Variants in UNC5D observed in about 807,000 individuals in gnomAD.
UNC5D encodes the protein netrin receptor UNC5D.
Under a neutral mutation model 105.4 loss-of-function variants are expected in UNC5D, and 39 were observed. That is an observed-to-expected ratio of 0.37 (90% CI 0.29 to 0.48). The LOEUF (loss-of-function observed/expected upper bound fraction) is 0.48, where lower values mean the gene tolerates loss of function less well. Ranked by LOEUF, UNC5D falls within the 20% of genes least tolerant of loss-of-function variation. UNC5D has a pLI of 0.98. For synonymous variants in UNC5D, 452 were observed against 450.4 expected (o/e 1.00, Z -0.04); for missense variants, 991 against 1,202.4 (o/e 0.82, Z 2.60).
intron 1 of UNC5D, among the ~76,000 whole-genome samples, chr8:35,512,758 A>T (rs768247650): frequency 6.6e-6 from 1 of 151,224 alleles, no homozygotes; most frequent in Non-Finnish European, 1.5e-5. Context: ...CTAAGGTATT[A>T]TAATATATAA....
At chr8:35,533,703 C>T (rs978978282) in intron 1 of UNC5D, among the ~76,000 whole-genome samples, 19 of 152,188 alleles carry the variant, frequency 1.2e-4, no homozygotes, top group African/African-American at 4.6e-4. Context: ...AGCGAGATTC[C>T]GTGGGCGTAG....
chr8:35,653,506 G>A (rs1456867241), intron 4 of UNC5D, among the ~76,000 whole-genome samples: 1 of 152,142 alleles, frequency 6.6e-6, no homozygotes, highest in African/African-American at 2.4e-5. Context: ...AATGCTGTTT[G>A]TGGATCACCA....
intron 1 of UNC5D, among the ~76,000 whole-genome samples, chr8:35,319,817 G>A (rs1240616292): frequency 6.7e-6 from 1 of 150,186 alleles, no homozygotes; most frequent in African/African-American, 2.4e-5. Context: ...AAAAAAAAAA[G>A]CAAGCTTTTA....
intron 8 of UNC5D, among the ~76,000 whole-genome samples, chr8:35,717,515 G>C (rs1828318695): frequency 6.6e-6 from 1 of 152,122 alleles, no homozygotes; most frequent in African/African-American, 2.4e-5. Context: ...GAAGTTCAAA[G>C]GGTCTTTGAA....
intron 4 of UNC5D, among the ~76,000 whole-genome samples, chr8:35,614,218 T>C (rs1348521569): frequency 6.6e-6 from 1 of 152,204 alleles, no homozygotes; most frequent in Non-Finnish European, 1.5e-5. Context: ...GTTTCAAATG[T>C]GCTCATTGGC....
chr8:35,463,824 T>C (rs1259127973), intron 1 of UNC5D, among the ~76,000 whole-genome samples: 1 of 151,576 alleles, frequency 6.6e-6, no homozygotes, highest in East Asian at 1.9e-4. Context: ...CAATTTTGTC[T>C]GTTTGGTTAT....
chr8:35,644,984 T>C (rs1251407810), intron 4 of UNC5D, among the ~76,000 whole-genome samples: 3 of 152,184 alleles, frequency 2.0e-5, no homozygotes, highest in Non-Finnish European at 4.4e-5. Context: ...GTCTTTGTCT[T>C]CGTATACCAC....
intron 11 of UNC5D, among the ~76,000 whole-genome samples, chr8:35,745,313 GA>G (rs1327149049): frequency 2.0e-5 from 3 of 152,138 alleles, no homozygotes; most frequent in Non-Finnish European, 4.4e-5. Flanking sequence ...ATGTCTAGGG[GA>G]AAACTCTTCC....
chr8:35,240,724 A>G (rs1802750920), intron 1 of UNC5D, among the ~76,000 whole-genome samples: 3 of 152,216 alleles, frequency 2.0e-5, no homozygotes, highest in Non-Finnish European at 1.5e-5. Context: ...TGACCCTTGT[A>G]TTTTGATGAC....
intron 3 of UNC5D, among the ~76,000 whole-genome samples, chr8:35,587,085 T>C (rs1045924010): frequency 6.6e-6 from 1 of 152,140 alleles, no homozygotes; most frequent in African/African-American, 2.4e-5. Context: ...CTGTTGCTGG[T>C]TATATGATTT....
chr8:35,574,679 C>T (rs907093160), intron 3 of UNC5D, among the ~76,000 whole-genome samples: 11 of 152,114 alleles, frequency 7.2e-5, no homozygotes, highest in Admixed American at 3.9e-4. Flanking sequence ...CCCTCTGCTA[C>T]CCACAAATTT....
chr8:35,326,041 G>A (rs1335647835), intron 1 of UNC5D, among the ~76,000 whole-genome samples: 2 of 152,264 alleles, frequency 1.3e-5, no homozygotes, highest in East Asian at 3.9e-4. Context: ...TTAAAAATGG[G>A]ACCAGTGAGT....
chr8:35,661,556 C>T (rs1431109150), intron 4 of UNC5D, among the ~76,000 whole-genome samples: 2 of 152,160 alleles, frequency 1.3e-5, no homozygotes, highest in Non-Finnish European at 2.9e-5. Flanking sequence ...CTGCTTTAGA[C>T]TTAATGCCGG....
chr8:35,443,124 C>T (rs1807547428), intron 1 of UNC5D, among the ~76,000 whole-genome samples: 1 of 151,824 alleles, frequency 6.6e-6, no homozygotes, highest in Non-Finnish European at 1.5e-5. Flanking sequence ...TGTCAGGTAT[C>T]CGAAGCTTAT....
intron 16 of UNC5D, among the ~76,000 whole-genome samples, chr8:35,775,881 AG>A (rs1466868444): frequency 2.0e-5 from 3 of 152,216 alleles, no homozygotes; most frequent in Non-Finnish European, 4.4e-5. Flanking sequence ...TTACAGAGAC[AG>A]GCAAGCCCGA....
At chr8:35,535,636 G>A (rs528617089) in intron 1 of UNC5D, among the ~76,000 whole-genome samples, 1 of 151,392 alleles carries the variant, frequency 6.6e-6, no homozygotes, top group South Asian at 2.1e-4. Flanking sequence ...GCTTTGGAAG[G>A]AAAAAAAATA....
At chr8:35,695,375 A>G (rs1445719227) in intron 7 of UNC5D, among the ~76,000 whole-genome samples, 1 of 152,036 alleles carries the variant, frequency 6.6e-6, no homozygotes, top group Non-Finnish European at 1.5e-5. Flanking sequence ...AAACAACTCA[A>G]AGTCATACAT....
At chr8:35,474,188 A>C (rs1475180721) in intron 1 of UNC5D, among the ~76,000 whole-genome samples, 21 of 152,244 alleles carry the variant, frequency 1.4e-4, no homozygotes, top group Non-Finnish European at 2.9e-5. Flanking sequence ...CAATGTGTTC[A>C]TTAGAGATAT....
At chr8:35,740,865 C>CT (rs1378496290) in intron 11 of UNC5D, among the ~76,000 whole-genome samples, 1 of 152,142 alleles carries the variant, frequency 6.6e-6, no homozygotes, top group Non-Finnish European at 1.5e-5. Flanking sequence ...TCCTGAGCCC[C>CT]TCCCCAGCCT....
Sources: allele counts gnomAD v4.1 joint callset (sites outside exome capture counted in the v4.1 genomes callset), GRCh38; gene constraint gnomAD v4.1.1; transcripts MANE v1.5; gene names NCBI Gene and HGNC (gene_info 2026-07-23, HGNC 2026-07-21).